The following RBFOX1 variants were observed in gnomAD, a reference collection of about 807,000 sequenced individuals.
RBFOX1 encodes the protein RNA binding fox-1 homolog 1, also known as RNA binding protein fox-1 homolog 1.
RBFOX1 carries 8 observed loss-of-function variants against 57.7 expected under a neutral mutation model. That is an observed-to-expected ratio of 0.14 (90% CI 0.08 to 0.25). RBFOX1 has a LOEUF of 0.25. Among genes scored for constraint, RBFOX1 ranks in the 10% least tolerant of loss-of-function variants. RBFOX1 has a pLI of 1.00. For synonymous variants in RBFOX1, 326 were observed against 222.4 expected, an observed-to-expected ratio of 1.47 and a Z score of -4.15; for missense variants, 611 against 548.5, an observed-to-expected ratio of 1.11 and a Z score of -1.14.
rs57556084 is a variant in RBFOX1 at position 6,925,109 on chromosome 16, G to GTTT, written c.-15-126908_-15-126906dup. Among the ~76,000 whole-genome samples the GTTT allele has an allele frequency of 2.8e-3, 128 of 45,246 alleles. 36 individuals are homozygous for GTTT. The highest frequency in any genetic ancestry group is 7.1e-3 in the African/African-American group (80 of 11,330). 29.7% of individuals were successfully genotyped at this position (45,246 alleles called of 152,430 possible). On this transcript the variant is annotated intron_variant, in intron 3 of 15. Coordinates refer to ENST00000550418, the MANE Select transcript of RBFOX1 (RefSeq NM_018723.4). ...TCGTTGTTGGACATCTAGGTTGTTG[G>GTTT]TTTTTTTTTTTTTTTTTTTTTTTTT...
At chr16:6,680,975 C>T (rs1300939257) in intron 3 of RBFOX1, among the ~76,000 whole-genome samples, 1 of 152,064 alleles carries the variant, frequency 6.6e-6, no homozygotes, top group African/African-American at 2.4e-5. Flanking sequence ...TAACATAGTT[C>T]GTAGAAAACT....
At chr16:6,543,076 T>C (rs1021568871) in intron 2 of RBFOX1, among the ~76,000 whole-genome samples, 1 of 152,144 alleles carries the variant, frequency 6.6e-6, no homozygotes, top group Non-Finnish European at 1.5e-5. Context: ...TGATCAATAG[T>C]TTTGTTCATT....
chr16:6,676,142 G>GCGCACACACACACACA (rs1197461775), intron 3 of RBFOX1, among the ~76,000 whole-genome samples: 2 of 145,860 alleles, frequency 1.4e-5, no homozygotes. Flanking sequence ...ACACACACGC[G>GCGCACACACACACACA]CACACACACA....
At chr16:6,625,915 G>A (rs2098298314) in intron 2 of RBFOX1, among the ~76,000 whole-genome samples, 1 of 152,150 alleles carries the variant, frequency 6.6e-6, no homozygotes, top group South Asian at 2.1e-4. Context: ...CTGATCCCAT[G>A]TAAAGTTTAC....
chr16:6,499,865 C>T (rs1018386507), intron 2 of RBFOX1, among the ~76,000 whole-genome samples: 4 of 152,052 alleles, frequency 2.6e-5, no homozygotes, highest in African/African-American at 9.7e-5. Context: ...GAAGTTGTCA[C>T]CTGCTTAGAT....
intron 1 of RBFOX1, among the ~76,000 whole-genome samples, chr16:6,228,456 C>T (rs976566642): frequency 6.6e-6 from 1 of 151,816 alleles, no homozygotes; most frequent in South Asian, 2.1e-4. Context: ...CATACATATA[C>T]ATGCCATGAA....
chr16:6,396,727 C>T (rs573148298), intron 2 of RBFOX1, among the ~76,000 whole-genome samples: 1 of 151,802 alleles, frequency 6.6e-6, no homozygotes, highest in Non-Finnish European at 1.5e-5. Context: ...TTAAATAAAA[C>T]TTACTAGATG....
At chr16:6,109,969 A>G (rs2096425550) in intron 1 of RBFOX1, among the ~76,000 whole-genome samples, 1 of 152,104 alleles carries the variant, frequency 6.6e-6, no homozygotes, top group African/African-American at 2.4e-5. Flanking sequence ...TCACTTTTTT[A>G]TGTATCTTGG....
intron 3 of RBFOX1, among the ~76,000 whole-genome samples, chr16:5,617,681 T>G (rs563302786): frequency 6.6e-6 from 1 of 152,344 alleles, no homozygotes; most frequent in East Asian, 1.9e-4. Flanking sequence ...GACTATACCC[T>G]GGAAAGCTAG....
At chr16:6,738,507 T>A (rs2071092362) in intron 3 of RBFOX1, among the ~76,000 whole-genome samples, 2 of 151,986 alleles carry the variant, frequency 1.3e-5, no homozygotes, top group Non-Finnish European at 2.9e-5. Context: ...ATGTAGAACA[T>A]AAAAAAACAG....
At chr16:7,386,495 G>T (rs2097884855) in intron 4 of RBFOX1, among the ~76,000 whole-genome samples, 1 of 151,404 alleles carries the variant, frequency 6.6e-6, no homozygotes, top group African/African-American at 2.4e-5. Context: ...CTGTTCTTGT[G>T]TTAGTTTGAT....
At chr16:7,090,378 G>T (rs12934136) in intron 4 of RBFOX1, among the ~76,000 whole-genome samples, 50,810 of 151,948 alleles carry the variant, frequency 0.33, 8,901 homozygotes, top group South Asian at 0.44. Context: ...GGGAGGTGTG[G>T]GGTAGATGGT....
intron 14 of RBFOX1, among the ~76,000 whole-genome samples, chr16:7,703,735 C>G (rs2081508584): frequency 1.3e-5 from 2 of 152,144 alleles, no homozygotes; most frequent in Non-Finnish European, 2.9e-5. Flanking sequence ...GGTTTATATT[C>G]CCATTCAAGA....
At chr16:7,057,220 T>G (rs1478716) in intron 4 of RBFOX1, among the ~76,000 whole-genome samples, 111,871 of 152,100 alleles carry the variant, frequency 0.74, 41,525 homozygotes, top group East Asian at 0.91. Context: ...GTATTTGATT[T>G]CATGGTGAAG....
At chr16:7,484,630 T>C (rs1431775363) in intron 4 of RBFOX1, among the ~76,000 whole-genome samples, 1 of 152,088 alleles carries the variant, frequency 6.6e-6, no homozygotes. Context: ...AGCTGGCTAA[T>C]TTTTTGTATT....
intron 2 of RBFOX1, among the ~76,000 whole-genome samples, chr16:5,529,419 C>T (rs1353986004): frequency 7.1e-6 from 1 of 140,746 alleles, no homozygotes; most frequent in East Asian, 2.2e-4. Flanking sequence ...TAATTTGAGA[C>T]AGGGTCTCCC....
At chr16:7,175,326 C>A (rs781027477) in intron 4 of RBFOX1, among the ~76,000 whole-genome samples, 5 of 152,144 alleles carry the variant, frequency 3.3e-5, no homozygotes, top group Non-Finnish European at 7.4e-5. Flanking sequence ...TAACCTTCTT[C>A]GCCTGTGAAA....
At chr16:7,607,558 C>G (rs1193262482) in intron 10 of RBFOX1, among the ~76,000 whole-genome samples, 1 of 152,176 alleles carries the variant, frequency 6.6e-6, no homozygotes. Flanking sequence ...CGTGGAGCCA[C>G]TGCTCCTTAG....
At chr16:6,349,526 C>G (rs1375797506) in intron 2 of RBFOX1, among the ~76,000 whole-genome samples, 1 of 152,196 alleles carries the variant, frequency 6.6e-6, no homozygotes, top group Non-Finnish European at 1.5e-5. Flanking sequence ...TTGAGAAAAG[C>G]TGACTTCTTG....
Sources: allele counts gnomAD v4.1 joint callset (sites outside exome capture counted in the v4.1 genomes callset), GRCh38; gene constraint gnomAD v4.1.1; transcripts MANE v1.5; gene names NCBI Gene and HGNC (gene_info 2026-07-23, HGNC 2026-07-21).